The following PES1 variants were observed in gnomAD, a reference collection of about 807,000 sequenced individuals.
PES1 encodes the protein pescadillo ribosomal biogenesis factor 1, also known as pescadillo homolog.
Under a neutral mutation model 77.1 loss-of-function variants are expected in PES1, and 31 were observed. That is an observed-to-expected ratio of 0.40 (90% confidence interval 0.30 to 0.54). The LOEUF is 0.54. Among genes scored for constraint, PES1 ranks in the 20% least tolerant of loss-of-function variants. The pLI is 0.45. For missense variants in PES1, 658 were observed against 771.7 expected (o/e 0.85, Z 1.75); for synonymous variants, 282 against 303.0 (o/e 0.93, Z 0.72).
chr22:30,581,225 C>A (rs896945895), intron 8 of PES1, 109 bp downstream of exon 8: 6 of 1,370,028 alleles, frequency 4.4e-6, no homozygotes, highest in South Asian at 1.3e-5. Flanking sequence ...CAGGCTGAGA[C>A]CACCCACCTA....
chr22:30,583,882 G>A (rs990000416), intron 6 of PES1, among the ~76,000 whole-genome samples: 2 of 152,260 alleles, frequency 1.3e-5, no homozygotes, highest in Non-Finnish European at 2.9e-5. Flanking sequence ...AGGCAGGAAG[G>A]GGGAAGCAGA....
upstream of PES1, among the ~76,000 whole-genome samples, chr22:30,592,690 G>C (rs41279964): frequency 1.3e-4 from 20 of 152,290 alleles, no homozygotes; most frequent in Non-Finnish European, 2.1e-4. Context: ...CCAGCTACTC[G>C]GGAGGCTGAC....
In PES1 at chr22:30,581,551, G is replaced by A; in HGVS notation, c.724C>T (p.Leu242Phe). Residue 242 changes from leucine (L) to phenylalanine (F), a missense_variant, in exon 7 of 15, where the codon CTC (leucine) becomes TTC (phenylalanine). Coordinates refer to ENST00000354694, the MANE Select transcript of PES1 (RefSeq NM_014303.4). ...ACCTTCGGGGGATAGTGGAGGTTGA[G>A]CAACTGGTAAAGGCGGAAGTTGACA... ...GFVNFRLYQLLNLHYPPKLEG... is the reference protein window; with the variant it reads ...GFVNFRLYQLFNLHYPPKLEG... 6.2e-7 allele frequency: 1 copy of A among 1,613,784 alleles called. No homozygotes were observed. The highest frequency in any genetic ancestry group is 8.5e-7 in the Non-Finnish European group (1 of 1,179,920).
Position 30,597,916 on chromosome 22 carries a change from C to T in PES1, c.-660-5518G>A, listed in dbSNP as rs534879945. Among the ~76,000 whole-genome samples, 154 of 130,348 alleles carry T rather than the reference C, an allele frequency of 1.2e-3. 1 individual carries two copies. The highest frequency in any genetic ancestry group is 4.1e-3 in the African/African-American group (136 of 32,994). The allele number at this position is 130,348 out of a possible 152,430, so 85.5% of individuals were successfully genotyped here. A position where few individuals can be genotyped will look rare whatever the true frequency, so the allele number is the denominator to read the frequency against. ...TTTTTTGTTTTGAGTCGGAGTCTCA[C>T]TCTGTCGCCCAGGCTGGAGTGCAGT... is the stretch of plus-strand genomic sequence containing the variant. On this transcript the variant is annotated intron_variant, in intron 2 of 16. Coordinates refer to the PES1 transcript ENST00000402281.
In PES1 at chr22:30,588,120, C is replaced by T. The variant is rs765795681; in HGVS notation, c.159G>A (p.Lys53=). ...IYPHEPKHKK[K]VNKGSTAART... is the part of the protein sequence containing the mutation. ...GGGCTGCTGTAGAACCCTTGTTAACCTTCTTCTTGTGTTTGGGTTCATGGG... is the reference window on the plus strand; with the variant it reads ...GGGCTGCTGTAGAACCCTTGTTAACTTTCTTCTTGTGTTTGGGTTCATGGG... Residue 53 remains lysine, a synonymous_variant, in exon 3 of 15, where the codon AAG becomes AAA. Transcript: ENST00000354694. 2 of 1,614,164 alleles carry T rather than the reference C, an allele frequency of 1.2e-6. No homozygotes were observed. Among genetic ancestry groups the T allele is most frequent in the South Asian group, 1.1e-5 (1 of 91,082 alleles).
upstream of PES1, chr22:30,592,009 T>C: frequency 7.2e-7 from 1 of 1,382,146 alleles, no homozygotes; most frequent in South Asian, 1.7e-5. Flanking sequence ...CTCCTCAAGA[T>C]TTAAAACTAT....
intron 8 of PES1, 31 bp downstream of exon 8, chr22:30,581,303 G>C (rs1427152525): frequency 6.2e-7 from 1 of 1,606,134 alleles, no homozygotes; most frequent in East Asian, 2.2e-5. Flanking sequence ...TCCCTTGGGA[G>C]ATGCCGGATG....
rs1195777987 is a variant in PES1 at position 30,605,493 on chromosome 22, T to C, written c.-693A>G. 3.0e-6 allele frequency: 3 copies of C among 985,174 alleles called. No homozygotes were observed. The African/African-American group carries it at 5.2e-5, about 17-fold the overall frequency. The allele number at this position is 985,174 out of a possible 1,614,324, so 61.0% of individuals were successfully genotyped here. On this transcript the variant is annotated 5_prime_UTR_variant, in exon 2 of 17. Coordinates refer to the PES1 transcript ENST00000402281. The stretch of plus-strand genomic sequence containing the variant: ...TGACGATAACGAAGGCTATCCTCCA[T>C]GGCCACCTCCTCCAGGCTGCCTTCC...
intron 2 of PES1, 108 bp from the exon 3 acceptor site, chr22:30,588,282 G>A (rs1461583349): frequency 7.9e-7 from 1 of 1,271,932 alleles, no homozygotes; most frequent in Admixed American, 2.0e-5. Context: ...TGGGGTCCCT[G>A]CCCTTAGAGA....
upstream of PES1, chr22:30,592,184 GGCGGAA>G: frequency 9.2e-7 from 1 of 1,088,892 alleles, no homozygotes; most frequent in South Asian, 3.7e-5. Context: ...GACGGAGAGG[GGCGGAA>G]GGCTTAGGGA....
chr22:30,587,585 G>A (rs1225125768), intron 3 of PES1, among the ~76,000 whole-genome samples, 190 bp from the exon 4 acceptor site: 6 of 152,182 alleles, frequency 3.9e-5, no homozygotes, highest in African/African-American at 1.4e-4. Context: ...CACCAAGCCT[G>A]GTGTGTTAAC....
At chr22:30,585,709 T>G (rs1233237094) in intron 4 of PES1, among the ~76,000 whole-genome samples, 2 of 7,544 alleles carry the variant, frequency 2.7e-4, no homozygotes, top group Non-Finnish European at 5.2e-4. Context: ...GGTCAGGGGT[T>G]GGGGGGAGTG....
chr22:30,579,157 C>T lies in PES1; in HGVS notation c.1501G>A (p.Glu501Lys), dbSNP rs1439630977. 2.5e-6 allele frequency: 4 copies of T among 1,608,812 alleles called. No homozygotes were observed. Among genetic ancestry groups the T allele is most frequent in the South Asian group, 2.2e-5 (2 of 91,006 alleles). ...CCTACCTTCCCCTCCATCCTCTGCTCTTCCAGGGCTGCCAGCCGGGCCTCT... is the reference window on the plus strand; with the variant it reads ...CCTACCTTCCCCTCCATCCTCTGCTTTTCCAGGGCTGCCAGCCGGGCCTCT... ...EEEARLAALEEQRMEGKKPRV... is the reference protein window; with the variant it reads ...EEEARLAALEKQRMEGKKPRV... The change falls in exon 13 of 15, where the codon GAG becomes AAG. Residue 501 changes from glutamate to lysine, a missense_variant. Glu to Lys is a moderately conservative substitution (Grantham distance 56). Transcript: ENST00000354694.
chr22:30,605,412 A>G (rs1024635628), intron 2 of PES1: 5 of 977,948 alleles, frequency 5.1e-6, no homozygotes, highest in Non-Finnish European at 6.1e-6. Flanking sequence ...CACCCTAACT[A>G]CCTTGGGGAT....
chr22:30,600,299 T>G (rs1316189530), intron 2 of PES1, among the ~76,000 whole-genome samples: 3 of 152,094 alleles, frequency 2.0e-5, no homozygotes, highest in African/African-American at 7.2e-5. Flanking sequence ...GTTGTCAGGT[T>G]TTTTATCTTC....
Position 30,584,374 on chromosome 22 carries a change from G to A in PES1, c.621C>T (p.Phe207=). The A allele has an allele frequency of 6.2e-7, 1 of 1,609,938 alleles. No individual in the cohort carries two copies. The highest frequency in any genetic ancestry group is 8.5e-7 in the Non-Finnish European group (1 of 1,177,788). The change falls in exon 6 of 15, where the codon TTC becomes TTT. Residue 207 remains phenylalanine (F), a synonymous_variant. Transcript: ENST00000354694. ...CGACAGGCACACTCACGTCATGGGA[G>A]AAGGCATAGGGAGTGATCCACACGA... is the stretch of plus-strand genomic sequence containing the variant. The part of the protein sequence containing the change: ...QPIVWITPYA[F]SHDHPTDVDY...
Position 30,600,796 on chromosome 22 carries a change from CAG to C in PES1, c.-661+4663_-661+4664del, listed in dbSNP as rs1180838194. Among the ~76,000 whole-genome samples, 18 of 152,160 alleles carry C rather than the reference CAG, an allele frequency of 1.2e-4. No individual in the cohort carries two copies. The East Asian group carries it at 3.1e-3, about 26-fold the overall frequency. On this transcript the variant is annotated intron_variant, in intron 2 of 16. Coordinates refer to the PES1 transcript ENST00000402281. Reference sequence around the variant, plus strand: ...CGTCACTGCACTCCAGCCTGGGTGACAGAGCGCGAGACTCCATCTCAAAAACA... The same window carrying C: ...CGTCACTGCACTCCAGCCTGGGTGACAGCGCGAGACTCCATCTCAAAAACA...
At chr22:30,597,468 C>CAATCGGCACTCTGTATCTGGCT (rs1425271937) in intron 2 of PES1, among the ~76,000 whole-genome samples, 1 of 150,870 alleles carries the variant, frequency 6.6e-6, no homozygotes, top group Non-Finnish European at 1.5e-5. Flanking sequence ...GTAAATGCAC[C>CAATCGGCACTCTGTATCTGGCT]AATCTGCGCT....
intron 2 of PES1, among the ~76,000 whole-genome samples, chr22:30,598,884 A>ATTTTTTTTTTTTTTT (rs1569031688): frequency 2.2e-4 from 10 of 46,322 alleles, no homozygotes; most frequent in African/African-American, 7.5e-4. Context: ...ACTTAAGTAA[A>ATTTTTTTTTTTTTTT]ATTTTTTTTT....
Sources: allele counts gnomAD v4.1 joint callset (sites outside exome capture counted in the v4.1 genomes callset), GRCh38; gene constraint gnomAD v4.1.1; transcripts MANE v1.5; gene names NCBI Gene and HGNC (gene_info 2026-07-23, HGNC 2026-07-21).